SOX5: variants seen among roughly 807,000 people sequenced by gnomAD.
The protein encoded by SOX5 is SRY-box transcription factor 5.
Under a neutral mutation model 92.0 loss-of-function variants are expected in SOX5, and 9 were observed. The observed-to-expected ratio is 0.10, with a 90% confidence interval of 0.06 to 0.17. The LOEUF (loss-of-function observed/expected upper bound fraction) is 0.17, where lower values mean the gene tolerates loss of function less well. SOX5 is among the 10% of genes least tolerant of loss of function. SOX5 has a pLI of 1.00. For missense variants in SOX5, 642 were observed against 944.5 expected (o/e 0.68, Z 4.20); for synonymous variants, 344 against 336.3 (o/e 1.02, Z -0.25).
intron 1 of SOX5, among the ~76,000 whole-genome samples, chr12:24,474,000 T>C (rs543324409): frequency 2.0e-5 from 3 of 152,320 alleles, no homozygotes; most frequent in African/African-American, 7.2e-5. Flanking sequence ...TAATAAAGAT[T>C]GGCCATTTTA....
At chr12:23,841,535 G>A (rs78930762) in intron 3 of SOX5, among the ~76,000 whole-genome samples, 4,340 of 152,144 alleles carry the variant, frequency 0.029, 200 homozygotes, top group African/African-American at 0.098. Context: ...CCAAAAGCTG[G>A]AAGCAACCAA....
intron 13 of SOX5, among the ~76,000 whole-genome samples, chr12:23,540,328 G>A (rs1185221560): frequency 1.3e-5 from 2 of 149,956 alleles, no homozygotes; most frequent in Non-Finnish European, 1.5e-5. Context: ...TAACTAACCT[G>A]CACATGGTGG....
At chr12:24,560,881 C>G (rs1954267532) in intron 1 of SOX5, among the ~76,000 whole-genome samples, 1 of 152,158 alleles carries the variant, frequency 6.6e-6, no homozygotes, top group Non-Finnish European at 1.5e-5. Flanking sequence ...TCACATGTGC[C>G]TACTTCATTG....
At chr12:23,949,747 T>A, upstream of SOX5, 1 of 938,278 alleles carries the variant, frequency 1.1e-6, no homozygotes, top group Non-Finnish European at 1.5e-6. Context: ...TCTCTCTCTC[T>A]CTCTCCCTCT....
chr12:23,674,492 C>T (rs561786922), intron 6 of SOX5, among the ~76,000 whole-genome samples: 31 of 151,722 alleles, frequency 2.0e-4, no homozygotes, highest in East Asian at 5.8e-4. Context: ...CACACACCAC[C>T]GCTTCCGGCT....
intron 4 of SOX5, among the ~76,000 whole-genome samples, chr12:24,131,023 T>C (rs931712293): frequency 7.2e-5 from 11 of 152,214 alleles, no homozygotes; most frequent in Non-Finnish European, 1.6e-4. Context: ...TTATCTAAAC[T>C]AGAATCTCTG....
intron 3 of SOX5, among the ~76,000 whole-genome samples, chr12:24,232,382 A>C: frequency 6.6e-6 from 1 of 152,252 alleles, no homozygotes; most frequent in East Asian, 1.9e-4. Flanking sequence ...AAGAACAATG[A>C]CAGAGCCACA....
intron 4 of SOX5, among the ~76,000 whole-genome samples, chr12:24,141,620 C>T (rs1228920206): frequency 1.3e-5 from 2 of 152,174 alleles, no homozygotes; most frequent in African/African-American, 4.8e-5. Flanking sequence ...CTCACTGTCC[C>T]AATGGACGGG....
chr12:23,579,902 T>C (rs184694451), intron 9 of SOX5, among the ~76,000 whole-genome samples: 4 of 152,132 alleles, frequency 2.6e-5, no homozygotes, highest in Non-Finnish European at 4.4e-5. Flanking sequence ...TGTTAATTAC[T>C]TGCCTAATTG....
chr12:24,353,774 G>A (rs949775145), intron 2 of SOX5, among the ~76,000 whole-genome samples: 1 of 152,088 alleles, frequency 6.6e-6, no homozygotes, highest in African/African-American at 2.4e-5. Context: ...CTGAATAGCT[G>A]GGATTACAGG....
At chr12:24,539,586 T>TGGTA (rs1402927597) in intron 1 of SOX5, among the ~76,000 whole-genome samples, 3 of 152,120 alleles carry the variant, frequency 2.0e-5, no homozygotes, top group African/African-American at 7.2e-5. Flanking sequence ...ATTACAAAGA[T>TGGTA]GGTACAGGGT....
At chr12:24,229,510 CAT>C (rs146089978) in intron 3 of SOX5, among the ~76,000 whole-genome samples, 7,824 of 152,278 alleles carry the variant, frequency 0.051, 287 homozygotes, top group Non-Finnish European at 0.072. Context: ...TCTTGGCACT[CAT>C]ATGCTAACTT....
intron 2 of SOX5, among the ~76,000 whole-genome samples, chr12:24,357,902 C>T (rs1219886052): frequency 6.6e-6 from 1 of 151,670 alleles, no homozygotes; most frequent in African/African-American, 2.4e-5. Context: ...CTCAGTTTAG[C>T]CAAAACACCA....
intron 3 of SOX5, among the ~76,000 whole-genome samples, chr12:23,814,711 T>C (rs986043393): frequency 4.6e-5 from 7 of 152,224 alleles, no homozygotes; most frequent in African/African-American, 1.7e-4. Flanking sequence ...CCATTTCTAT[T>C]AAATGAGCAA....
intron 6 of SOX5, among the ~76,000 whole-genome samples, chr12:23,725,712 A>C (rs2093073942): frequency 6.6e-6 from 1 of 152,216 alleles, no homozygotes; most frequent in Admixed American, 6.5e-5. Context: ...TTAGACAGTA[A>C]GTGTAGATAC....
At chr12:24,096,752 T>C (rs568502102) in intron 4 of SOX5, among the ~76,000 whole-genome samples, 2 of 152,180 alleles carry the variant, frequency 1.3e-5, no homozygotes, top group East Asian at 1.9e-4. Flanking sequence ...TGGTTATTAT[T>C]AGTGCTATTA....
At chr12:24,199,081 G>A (rs1392592196) in intron 4 of SOX5, among the ~76,000 whole-genome samples, 2 of 152,160 alleles carry the variant, frequency 1.3e-5, no homozygotes, top group Non-Finnish European at 2.9e-5. Flanking sequence ...AGTCGAGGGA[G>A]AGCACTGTCG....
intron 1 of SOX5, among the ~76,000 whole-genome samples, chr12:24,519,038 ATCTT>A (rs924394858): frequency 9.2e-5 from 14 of 152,172 alleles, no homozygotes; most frequent in African/African-American, 3.4e-4. Flanking sequence ...TTTAAAAAAA[ATCTT>A]TATTTTGGGT....
At chr12:24,432,479 G>T (rs1677645231) in intron 1 of SOX5, among the ~76,000 whole-genome samples, 1 of 152,152 alleles carries the variant, frequency 6.6e-6, no homozygotes, top group African/African-American at 2.4e-5. Context: ...CCTAGTAGCA[G>T]TTCTCTGAGG....
Sources: gnomAD v4.1 joint callset for allele counts (sites outside exome capture counted in the v4.1 genomes callset) on GRCh38, gnomAD v4.1.1 for gene constraint, MANE v1.5 for transcripts, NCBI Gene and HGNC (gene_info 2026-07-23, HGNC 2026-07-21) for gene names.